VPS13C: variants seen among roughly 807,000 people sequenced by gnomAD.
The protein encoded by VPS13C is intermembrane lipid transfer protein VPS13C.
VPS13C carries 358 observed loss-of-function variants against 456.8 expected under a neutral mutation model. The observed-to-expected ratio is 0.78, with a 90% CI of 0.72 to 0.86. The LOEUF (loss-of-function observed/expected upper bound fraction) is 0.86, where lower values mean the gene tolerates loss of function less well. Ranked by LOEUF, VPS13C falls within the 40% of genes least tolerant of loss-of-function variation. The pLI, the probability that VPS13C is intolerant of heterozygous loss-of-function variation, is 0.00. For missense variants in VPS13C, 4,818 were observed against 4,385.4 expected (o/e 1.10, Z -2.79); for synonymous variants, 1,578 against 1,486.7 (o/e 1.06, Z -1.41).
In VPS13C at chr15:61,913,829, A is replaced by T. The variant is rs151045580; in HGVS notation, c.8446-414T>A. On this transcript the variant is annotated intron_variant, in intron 61 of 84. Coordinates refer to ENST00000644861, the MANE Select transcript of VPS13C (RefSeq NM_020821.3). ...TTGTTCAGCAGACACTACATTAAAGACATTGTGACAGGCAGAATGGAAGAC... is the reference window on the plus strand; with the variant it reads ...TTGTTCAGCAGACACTACATTAAAGTCATTGTGACAGGCAGAATGGAAGAC... Among the ~76,000 whole-genome samples, 746 of 152,324 alleles carry T rather than the reference A, an allele frequency of 4.9e-3. 5 individuals carry two copies. The highest frequency in any genetic ancestry group is 7.3e-3 in the Non-Finnish European group (496 of 68,034).
chr15:61,857,426 A>T (rs541225649), intron 82 of VPS13C, among the ~76,000 whole-genome samples: 1 of 152,306 alleles, frequency 6.6e-6, no homozygotes, highest in African/African-American at 2.4e-5. Flanking sequence ...ACACACTGAC[A>T]TATAAAGGAG....
intron 81 of VPS13C, chr15:61,866,248 A>T (rs766737262): frequency 2.0e-5 from 20 of 984,742 alleles, no homozygotes; most frequent in Non-Finnish European, 6.0e-6. Flanking sequence ...TTTTTCTTCC[A>T]GTAATTATAA....
At chr15:61,978,810 TA>T (rs1231419396) in intron 22 of VPS13C, 61 bp from the exon 23 acceptor site, 2 of 1,509,632 alleles carry the variant, frequency 1.3e-6, no homozygotes, top group Non-Finnish European at 1.8e-6. Context: ...TACATCAACA[TA>T]CTTTAGTTAG....
At chr15:62,056,668 G>A (rs1038462484) in intron 1 of VPS13C, among the ~76,000 whole-genome samples, 1 of 152,130 alleles carries the variant, frequency 6.6e-6, no homozygotes, top group Non-Finnish European at 1.5e-5. Flanking sequence ...GTTATCCGGA[G>A]GCCTAACCGT....
In VPS13C at chr15:62,023,259, C is replaced by T. The variant is rs958610963; in HGVS notation, c.624+152G>A. ...TTATGTACATAAATGCCCAATAAAA[C>T]GAGGCTAACACAAGAGGATATGGTA... is the stretch of plus-strand genomic sequence containing the variant. On this transcript the variant is annotated intron_variant, in intron 8 of 84. Transcript: ENST00000644861. The T allele has an allele frequency of 1.1e-4, 43 of 388,112 alleles. 1 individual carries two copies. The highest frequency in any genetic ancestry group is 3.3e-4 in the South Asian group (4 of 12,252). The allele number at this position is 388,112 out of a possible 1,614,324, so 24.0% of individuals were successfully genotyped here. A position where few individuals can be genotyped will look rare whatever the true frequency, so the allele number is the denominator to read the frequency against.
chr15:62,040,572 G>A (rs964759521), intron 3 of VPS13C, among the ~76,000 whole-genome samples: 9 of 152,110 alleles, frequency 5.9e-5, no homozygotes, highest in Admixed American at 2.0e-4. Flanking sequence ...TTGAAGGAGG[G>A]GGGTGGAGGT....
At chr15:61,953,955 G>A (rs2044894275) in intron 38 of VPS13C, among the ~76,000 whole-genome samples, 1 of 152,190 alleles carries the variant, frequency 6.6e-6, no homozygotes, top group Non-Finnish European at 1.5e-5. Context: ...CCTTGTCACT[G>A]GGCATATACA....
chr15:62,034,939 T>A lies in VPS13C; in HGVS notation c.283+18A>T. On this transcript the variant is annotated intron_variant, in intron 4 of 84. Transcript: ENST00000644861. ...TCAATGTGATGTTATTGAATGGTTA[T>A]AACCTAAAATAACATACTTGCTCCA... is the stretch of plus-strand genomic sequence containing the variant. The A allele has an allele frequency of 2.6e-6, 4 of 1,542,740 alleles. No homozygotes were observed. The highest frequency in any genetic ancestry group is 3.5e-6 in the Non-Finnish European group (4 of 1,130,678).
intron 21 of VPS13C, 121 bp from the exon 22 acceptor site, chr15:61,981,599 G>A (rs2045889918): frequency 1.3e-5 from 13 of 994,514 alleles, no homozygotes; most frequent in Admixed American, 7.4e-5. Flanking sequence ...GGTGGCTCAC[G>A]CCTGTCATCC....
intron 24 of VPS13C, among the ~76,000 whole-genome samples, chr15:61,975,196 T>C (rs2045668845): frequency 6.6e-6 from 1 of 151,964 alleles, no homozygotes; most frequent in Non-Finnish European, 1.5e-5. Context: ...CTCAAATCAG[T>C]GACCTCAGCT....
In VPS13C at chr15:61,873,376, C is replaced by A; in HGVS notation, c.10448G>T (p.Gly3483Val). Residue 3483 changes from glycine to valine, a missense_variant, in exon 78 of 85, where the codon GGT becomes GTT. By Grantham distance (109) the Gly-to-Val change is moderately radical (BLOSUM62 -3). Transcript: ENST00000644861. Reference sequence around the variant, plus strand: ...TGCTGCCAAACCTTTCCCAACAGAACCGGTGATTCGAGATACAACTCCTGC... The same window carrying A: ...TGCTGCCAAACCTTTCCCAACAGAAACGGTGATTCGAGATACAACTCCTGC... ...GAAGVVSRIT[G>V]SVGKGLAAIT... is the part of the protein sequence containing the mutation. 6.2e-7 allele frequency: 1 copy of A among 1,613,610 alleles called. No homozygotes were observed. The highest frequency in any genetic ancestry group is 8.5e-7 in the Non-Finnish European group (1 of 1,179,738).
chr15:61,897,283 T>G (rs2042854194), intron 66 of VPS13C, among the ~76,000 whole-genome samples: 1 of 152,152 alleles, frequency 6.6e-6, no homozygotes, highest in Non-Finnish European at 1.5e-5. Context: ...AGAAGAAGGC[T>G]TCAGACGATC....
In VPS13C at chr15:61,898,307, C is replaced by A. The variant is rs1361015534; in HGVS notation, c.9106-7907G>T. Among the ~76,000 whole-genome samples the A allele has an allele frequency of 2.0e-5, 3 of 152,094 alleles. No individual in the cohort carries two copies. In the South Asian group the frequency reaches 6.3e-4, roughly 32 times the overall value. The stretch of plus-strand genomic sequence containing the variant: ...GTTCCAATTAAAAGACACAGACTGG[C>A]AAATTGGATAAAGAGTCAAGACCCA... On this transcript the variant is annotated intron_variant, in intron 66 of 84. Transcript: ENST00000644861.
intron 1 of VPS13C, among the ~76,000 whole-genome samples, chr15:62,054,601 T>C (rs1352024554): frequency 1.3e-5 from 2 of 152,010 alleles, no homozygotes; most frequent in African/African-American, 2.4e-5. Context: ...GGGAGAGTAT[T>C]AGGACAAATA....
chr15:61,976,788 A>C (rs936907797), intron 24 of VPS13C, among the ~76,000 whole-genome samples: 6 of 151,986 alleles, frequency 3.9e-5, no homozygotes, highest in African/African-American at 1.4e-4. Context: ...TTATCAAAAG[A>C]GCCTCTAATG....
intron 15 of VPS13C, among the ~76,000 whole-genome samples, chr15:62,002,936 T>C (rs1346320638): frequency 6.6e-6 from 1 of 152,184 alleles, no homozygotes; most frequent in Non-Finnish European, 1.5e-5. Flanking sequence ...TGGAGTATAG[T>C]TTGAAGTCAG....
intron 11 of VPS13C, 91 bp downstream of exon 11, chr15:62,012,948 C>T (rs2047097962): frequency 4.1e-6 from 3 of 724,452 alleles, no homozygotes; most frequent in Non-Finnish European, 6.5e-6. Flanking sequence ...AAACAAATGG[C>T]TGATATCCTG....
In VPS13C at chr15:61,934,240, A is replaced by C. The variant is rs2044150822; in HGVS notation, c.5847T>G (p.Leu1949=). 6.3e-7 allele frequency: 1 copy of C among 1,589,486 alleles called. No individual in the cohort carries two copies. Among genetic ancestry groups the C allele is most frequent in the East Asian group, 2.3e-5 (1 of 43,864 alleles). The change falls in exon 49 of 85, where the codon CTT becomes CTG. Residue 1949 remains leucine, a synonymous_variant. Coordinates refer to ENST00000644861, the MANE Select transcript of VPS13C (RefSeq NM_020821.3). ...DFHFESLSII[L]YNNDINQESG... ...ATACCTGGTTGATATCATTGTTATAAAGGATAATGGAAAGAGATTCAAAGT... is the reference window on the plus strand; with the variant it reads ...ATACCTGGTTGATATCATTGTTATACAGGATAATGGAAAGAGATTCAAAGT...
At chr15:61,966,258 A>C (rs2045373339) in intron 29 of VPS13C, 116 bp from the exon 30 acceptor site, 2 of 554,902 alleles carry the variant, frequency 3.6e-6, no homozygotes, top group African/African-American at 3.9e-5. Flanking sequence ...TATACACTGT[A>C]TATTTAATTT....
Sources: gnomAD v4.1 joint callset for allele counts (sites outside exome capture counted in the v4.1 genomes callset) on GRCh38, gnomAD v4.1.1 for gene constraint, MANE v1.5 for transcripts, NCBI Gene and HGNC (gene_info 2026-07-23, HGNC 2026-07-21) for gene names.